Variants in NMNAT1 observed in about 807,000 individuals in gnomAD.
NMNAT1 encodes the protein nicotinamide/nicotinic acid mononucleotide adenylyltransferase 1.
NMNAT1 carries 11 observed loss-of-function variants against 16.7 expected under a neutral mutation model. That is an observed-to-expected ratio of 0.66 (90% confidence interval 0.41 to 1.09). NMNAT1 has a LOEUF of 1.09. NMNAT1 is among the 50% of genes least tolerant of loss of function. The pLI, the probability that NMNAT1 is intolerant of heterozygous loss-of-function variation, is 0.00. For synonymous variants in NMNAT1, 110 were observed against 119.8 expected (o/e 0.92, Z 0.53); for missense variants, 280 against 332.3 (o/e 0.84, Z 1.22).
intron 2 of NMNAT1, among the ~76,000 whole-genome samples, chr1:9,974,231 T>G (rs939651932): frequency 1.5e-4 from 23 of 151,868 alleles, no homozygotes; most frequent in East Asian, 3.9e-4. Context: ...TTTTTTTTTT[T>G]TGTGGAAATG....
the NMNAT1 span, among the ~76,000 whole-genome samples, chr1:9,991,927 C>G: frequency 6.6e-6 from 1 of 151,742 alleles, no homozygotes; most frequent in Non-Finnish European, 1.5e-5. Context: ...GGGCTGAGCA[C>G]AGTGCCTCAC....
chr1:9,979,641 A>G (rs949024819), intron 3 of NMNAT1, among the ~76,000 whole-genome samples: 5 of 151,890 alleles, frequency 3.3e-5, no homozygotes, highest in African/African-American at 1.2e-4. Flanking sequence ...TCTACTAAAA[A>G]TACAGAAAAA....
intron 3 of NMNAT1, 116 bp downstream of exon 3, chr1:9,975,891 C>A: frequency 2.4e-6 from 2 of 820,248 alleles, no homozygotes; most frequent in Non-Finnish European, 3.9e-6. Flanking sequence ...AAAACTGTCA[C>A]GTGTGTTGTA....
At chr1:9,982,115 G>A (rs746572282) in intron 4 of NMNAT1, among the ~76,000 whole-genome samples, 186 bp from the exon 5 acceptor site, 4 of 152,138 alleles carry the variant, frequency 2.6e-5, no homozygotes, top group East Asian at 1.9e-4. Context: ...TACCCGCCTC[G>A]GCCTCCCAGA....
chr1:9,986,950 A>C (rs1282813098), downstream of NMNAT1, among the ~76,000 whole-genome samples: 1 of 152,164 alleles, frequency 6.6e-6, no homozygotes, highest in East Asian at 1.9e-4. Flanking sequence ...TAATCCCAGC[A>C]CTTTGGGAGG....
At chr1:9,985,530 C>T (rs1027526212), downstream of NMNAT1, 1 of 152,154 alleles carries the variant, frequency 6.6e-6, no homozygotes, top group African/African-American at 2.4e-5. Flanking sequence ...ATGAGTCCGA[C>T]GTATTCAGTC....
chr1:9,948,369 G>T (rs1298974670), intron 1 of NMNAT1, among the ~76,000 whole-genome samples: 1 of 152,092 alleles, frequency 6.6e-6, no homozygotes, highest in Non-Finnish European at 1.5e-5. Flanking sequence ...GAGCCCAGGA[G>T]TTCGAGACCA....
downstream of NMNAT1, chr1:9,985,647 TTG>T (rs928020941): frequency 2.0e-5 from 3 of 151,702 alleles, no homozygotes; most frequent in African/African-American, 2.4e-5. Flanking sequence ...ACTTTTGTGT[TTG>T]TGTGTGTGTG....
intron 1 of NMNAT1, among the ~76,000 whole-genome samples, chr1:9,950,807 G>T (rs1641089654): frequency 6.6e-6 from 1 of 152,080 alleles, no homozygotes; most frequent in Non-Finnish European, 1.5e-5. Context: ...AGGAACTAGG[G>T]TGTGGGCACA....
chr1:9,955,265 G>A (rs1436723740), intron 1 of NMNAT1, among the ~76,000 whole-genome samples: 2 of 151,978 alleles, frequency 1.3e-5, no homozygotes, highest in Admixed American at 6.6e-5. Flanking sequence ...TTAGCTGGGC[G>A]TGGTGGTATG....
intron 1 of NMNAT1, among the ~76,000 whole-genome samples, chr1:9,945,348 T>C (rs1640955080): frequency 6.6e-6 from 1 of 152,150 alleles, no homozygotes; most frequent in Non-Finnish European, 1.5e-5. Context: ...TTGGGTAAAA[T>C]GGAATTCACA....
chr1:9,974,807 A>G (rs914040629), intron 2 of NMNAT1, among the ~76,000 whole-genome samples: 1 of 151,878 alleles, frequency 6.6e-6, no homozygotes, highest in African/African-American at 2.4e-5. Context: ...AACAGGTGTG[A>G]GCCACCACAC....
the NMNAT1 span, among the ~76,000 whole-genome samples, chr1:9,990,815 C>G: frequency 6.6e-6 from 1 of 152,168 alleles, no homozygotes; most frequent in African/African-American, 2.4e-5. Context: ...CTGTAATCTT[C>G]TGGTTTACTT....
At chr1:9,976,005 G>T (rs768997633) in intron 3 of NMNAT1, among the ~76,000 whole-genome samples, 1 of 152,054 alleles carries the variant, frequency 6.6e-6, no homozygotes, top group African/African-American at 2.4e-5. Flanking sequence ...AGTTGTTTGC[G>T]GCCAGGCGCG....
intron 1 of NMNAT1, among the ~76,000 whole-genome samples, chr1:9,958,194 A>G (rs1200505078): frequency 6.6e-6 from 1 of 152,148 alleles, no homozygotes; most frequent in Admixed American, 6.6e-5. Context: ...TAGTGATGAA[A>G]TAGCTTCCAG....
chr1:9,996,431 T>A, the NMNAT1 span, among the ~76,000 whole-genome samples: 81 of 152,198 alleles, frequency 5.3e-4, no homozygotes, highest in African/African-American at 1.9e-3. Flanking sequence ...GTGGCTAATG[T>A]TGTAGGTTAG....
At chr1:9,973,700 T>A in intron 2 of NMNAT1, among the ~76,000 whole-genome samples, 1 of 62,784 alleles carries the variant, frequency 1.6e-5, no homozygotes. Context: ...AGAGCGAGAC[T>A]CCATCTCAAA....
intron 1 of NMNAT1, among the ~76,000 whole-genome samples, chr1:9,958,671 C>T (rs1205593903): frequency 6.6e-6 from 1 of 151,932 alleles, no homozygotes; most frequent in African/African-American, 2.4e-5. Flanking sequence ...AATTCCTGAC[C>T]TCGTGATCCG....
At chr1:9,973,118 C>T (rs1641725167) in intron 2 of NMNAT1, among the ~76,000 whole-genome samples, 1 of 151,956 alleles carries the variant, frequency 6.6e-6, no homozygotes, top group African/African-American at 2.4e-5. Flanking sequence ...TTTTTTCTTT[C>T]TTTCTTTCTT....
Sources: allele counts gnomAD v4.1 joint callset (sites outside exome capture counted in the v4.1 genomes callset), GRCh38; gene constraint gnomAD v4.1.1; transcripts MANE v1.5; gene names NCBI Gene and HGNC (gene_info 2026-07-23, HGNC 2026-07-21).